The following LMNTD1 variants were observed in gnomAD, a reference collection of about 807,000 sequenced individuals.
The protein encoded by LMNTD1 is lamin tail domain containing 1.
Under a neutral mutation model 50.9 loss-of-function variants are expected in LMNTD1, and 35 were observed. That is an observed-to-expected ratio of 0.69 (90% CI 0.53 to 0.91). LMNTD1 has a LOEUF of 0.91. Ranked by LOEUF, LMNTD1 falls within the 40% of genes least tolerant of loss-of-function variation. The probability of loss-of-function intolerance (pLI) is 0.00; values close to 1 mark genes in which losing one functional copy is unlikely to be tolerated. For synonymous variants in LMNTD1, 153 were observed against 161.9 expected, an observed-to-expected ratio of 0.94 and a Z score of 0.42; for missense variants, 470 against 475.5, an observed-to-expected ratio of 0.99 and a Z score of 0.11.
intron 9 of LMNTD1, among the ~76,000 whole-genome samples, chr12:25,491,348 T>G (rs961530097): frequency 1.3e-5 from 2 of 152,180 alleles, no homozygotes; most frequent in Non-Finnish European, 2.9e-5. Context: ...AGAGAAACTT[T>G]CTATAAGAGA....
intron 3 of LMNTD1, among the ~76,000 whole-genome samples, chr12:25,547,677 C>T (rs1056476944): frequency 1.3e-5 from 2 of 151,876 alleles, no homozygotes; most frequent in East Asian, 3.9e-4. Context: ...CATTCTCAGT[C>T]AAGTACTTCC....
chr12:25,641,301 G>A (rs1439970265), intron 1 of LMNTD1, among the ~76,000 whole-genome samples: 2 of 152,002 alleles, frequency 1.3e-5, no homozygotes, highest in Non-Finnish European at 2.9e-5. Flanking sequence ...CCTTTATAAG[G>A]TGCATGTATA....
chr12:25,567,327 C>T (rs898635261), intron 1 of LMNTD1, among the ~76,000 whole-genome samples: 1 of 152,132 alleles, frequency 6.6e-6, no homozygotes, highest in Non-Finnish European at 1.5e-5. Flanking sequence ...CTGTTTCTCC[C>T]TTAGTTTTCT....
intron 1 of LMNTD1, among the ~76,000 whole-genome samples, chr12:25,613,153 A>T (rs999557767): frequency 9.2e-5 from 14 of 152,224 alleles, no homozygotes; most frequent in African/African-American, 3.4e-4. Context: ...GACTTCTGAC[A>T]TCCAAAACCT....
At chr12:25,564,046 C>A (rs1354102975) in intron 1 of LMNTD1, among the ~76,000 whole-genome samples, 2 of 152,124 alleles carry the variant, frequency 1.3e-5, no homozygotes, top group East Asian at 3.9e-4. Flanking sequence ...CAGGTACCAC[C>A]CATCATGGCT....
intron 1 of LMNTD1, among the ~76,000 whole-genome samples, chr12:25,628,526 G>A (rs1277702100): frequency 6.6e-6 from 1 of 152,148 alleles, no homozygotes; most frequent in Non-Finnish European, 1.5e-5. Flanking sequence ...CCTGGAACCT[G>A]AGAATGGTAC....
At position 25,604,793 on chromosome 12, in the gene LMNTD1, C is replaced by T. The variant is rs569898672; in HGVS notation, c.58+43701G>A. On this transcript the variant is annotated intron_variant, in intron 1 of 7. Coordinates refer to the LMNTD1 transcript ENST00000445693. The stretch of plus-strand genomic sequence containing the variant: ...TCCAAGTCTTTGCTATTGTGAACAG[C>T]GCTGCAATAAACATATGTGTGCATG... 5.9e-5 allele frequency among the ~76,000 whole-genome samples: 9 copies of T among 152,012 alleles called. No individual in the cohort carries two copies. The East Asian group carries it at 7.7e-4, about 13-fold the overall frequency.
At chr12:25,513,516 A>G (rs2135997140) in intron 8 of LMNTD1, among the ~76,000 whole-genome samples, 1 of 152,236 alleles carries the variant, frequency 6.6e-6, no homozygotes, top group Non-Finnish European at 1.5e-5. Flanking sequence ...TACACCTGTG[A>G]TTTCAGCTAC....
At chr12:25,491,158 T>C (rs1358523346) in intron 9 of LMNTD1, among the ~76,000 whole-genome samples, 1 of 152,228 alleles carries the variant, frequency 6.6e-6, no homozygotes, top group East Asian at 1.9e-4. Flanking sequence ...TGCTTGATCA[T>C]TTTTTCCCCT....
intron 1 of LMNTD1, among the ~76,000 whole-genome samples, chr12:25,647,378 G>A (rs1012910154): frequency 1.3e-5 from 2 of 152,132 alleles, no homozygotes; most frequent in African/African-American, 4.8e-5. Flanking sequence ...CTTCCCAGCT[G>A]CTCTGAAGGC....
At chr12:25,611,505 G>A (rs1946242457) in intron 1 of LMNTD1, among the ~76,000 whole-genome samples, 1 of 152,114 alleles carries the variant, frequency 6.6e-6, no homozygotes, top group African/African-American at 2.4e-5. Flanking sequence ...GAGTTCAGAT[G>A]GTTAAGTTTA....
intron 9 of LMNTD1, among the ~76,000 whole-genome samples, chr12:25,479,869 GTC>G (rs1383779050): frequency 6.6e-6 from 1 of 152,154 alleles, no homozygotes; most frequent in Non-Finnish European, 1.5e-5. Flanking sequence ...CTCAATGTTG[GTC>G]TCTCCTGCTG....
chr12:25,526,663 G>T, intron 5 of LMNTD1, 106 bp downstream of exon 5: 1 of 734,560 alleles, frequency 1.4e-6, no homozygotes, highest in Non-Finnish European at 2.2e-6. Flanking sequence ...CTTACGTACA[G>T]ATCCAGATAG....
chr12:25,593,550 A>AT (rs1945763451), intron 1 of LMNTD1, among the ~76,000 whole-genome samples: 1 of 152,180 alleles, frequency 6.6e-6, no homozygotes, highest in South Asian at 2.1e-4. Flanking sequence ...GGACAAAAAA[A>AT]TCTGAACAGC....
intron 1 of LMNTD1, among the ~76,000 whole-genome samples, chr12:25,573,768 T>C (rs1392631934): frequency 6.6e-6 from 1 of 152,126 alleles, no homozygotes; most frequent in Admixed American, 6.5e-5. Flanking sequence ...TCTTTCACTT[T>C]TTTCATCAGG....
intron 1 of LMNTD1, among the ~76,000 whole-genome samples, chr12:25,581,296 C>T (rs986489004): frequency 2.0e-5 from 3 of 152,130 alleles, no homozygotes; most frequent in Admixed American, 6.6e-5. Flanking sequence ...AAAGCATCTG[C>T]GTTTAAAACA....
intron 1 of LMNTD1, among the ~76,000 whole-genome samples, chr12:25,601,785 A>G (rs1592092623): frequency 6.6e-6 from 1 of 151,314 alleles, no homozygotes; most frequent in Non-Finnish European, 1.5e-5. Context: ...CTTATTTATT[A>G]ATTTATTTAC....
chr12:25,537,033 G>T (rs1705421), intron 4 of LMNTD1, among the ~76,000 whole-genome samples: 5 of 148,340 alleles, frequency 3.4e-5, no homozygotes, highest in African/African-American at 5.0e-5. Context: ...CTTAAAAAAC[G>T]GCGAACCACG....
At chr12:25,576,048 C>T (rs1373793465) in intron 1 of LMNTD1, among the ~76,000 whole-genome samples, 1 of 152,196 alleles carries the variant, frequency 6.6e-6, no homozygotes, top group East Asian at 1.9e-4. Context: ...GCATAGTATT[C>T]CATGGTGTAT....
Sources: gnomAD v4.1 joint callset for allele counts (sites outside exome capture counted in the v4.1 genomes callset) on GRCh38, gnomAD v4.1.1 for gene constraint, MANE v1.5 for transcripts, NCBI Gene and HGNC (gene_info 2026-07-23, HGNC 2026-07-21) for gene names.